Variants in FMNL2 observed in about 807,000 individuals in gnomAD.
FMNL2 encodes the protein formin-like protein 2.
FMNL2 carries 51 observed loss-of-function variants against 130.2 expected under a neutral mutation model. That is an observed-to-expected ratio of 0.39 (90% CI 0.31 to 0.49). The LOEUF (loss-of-function observed/expected upper bound fraction) is 0.49, where lower values mean the gene tolerates loss of function less well. Among genes scored for constraint, FMNL2 ranks in the 20% least tolerant of loss-of-function variants. FMNL2 has a pLI of 0.85. For missense variants in FMNL2, 977 were observed against 1,316.2 expected, an observed-to-expected ratio of 0.74 and a Z score of 3.99; for synonymous variants, 465 against 467.1, an observed-to-expected ratio of 1.00 and a Z score of 0.06.
Position 152,619,045 on chromosome 2 carries a change from G to A in FMNL2, c.1514G>A (p.Gly505Glu), listed in dbSNP as rs372473891. Reference sequence around the variant, plus strand: ...GTGGCTTCTGGCACATTGTCCATGGGGTCAGAAGTGGTAGCAGGTAACTCT... The same window carrying A: ...GTGGCTTCTGGCACATTGTCCATGGAGTCAGAAGTGGTAGCAGGTAACTCT... Reference protein sequence around the residue: ...PVVASGTLSMGSEVVAGNSVG... With the variant: ...PVVASGTLSMESEVVAGNSVG... The change falls in exon 14 of 26, where the codon GGG becomes GAG. Residue 505 changes from glycine (G) to glutamate (E), a missense_variant. Gly to Glu is a moderately conservative substitution (Grantham distance 98, BLOSUM62 -2). Around this residue, in one of 4 missense-constraint regions of FMNL2, gnomAD observed 689 missense variants for 995.9 expected, o/e 0.69. Coordinates refer to ENST00000288670, the MANE Select transcript of FMNL2 (RefSeq NM_052905.4). 2.1e-5 allele frequency: 34 copies of A among 1,613,864 alleles called. No individual in the cohort carries two copies. The highest frequency in any genetic ancestry group is 1.4e-4 in the South Asian group (13 of 91,092).
At position 152,399,829 on chromosome 2, in the gene FMNL2, T is replaced by G. The variant is rs183263587; in HGVS notation, c.117+64109T>G. Among the ~76,000 whole-genome samples, 524 of 152,208 alleles carry G rather than the reference T, an allele frequency of 3.4e-3. 4 individuals are homozygous for G. The highest frequency in any genetic ancestry group is 3.5e-3 in the Non-Finnish European group (239 of 68,014). ...TAGTGTTTCTATATGTATTAGATATTTGGGTGAGTTCTATGTGGCAGGTGG... is the reference window on the plus strand; with the variant it reads ...TAGTGTTTCTATATGTATTAGATATGTGGGTGAGTTCTATGTGGCAGGTGG... On this transcript the variant is annotated intron_variant, in intron 1 of 25. Coordinates refer to ENST00000288670, the MANE Select transcript of FMNL2 (RefSeq NM_052905.4).
At chr2:152,375,869 C>CTATATATATATATATA (rs1376054574) in intron 1 of FMNL2, among the ~76,000 whole-genome samples, 13 of 113,264 alleles carry the variant, frequency 1.1e-4, no homozygotes, top group Admixed American at 2.9e-4. Context: ...CTCTCTCTCT[C>CTATATATATATATATA]TCTCTCTCTA....
intron 2 of FMNL2, among the ~76,000 whole-genome samples, chr2:152,541,669 T>C (rs1694316866): frequency 6.6e-6 from 1 of 152,134 alleles, no homozygotes; most frequent in Non-Finnish European, 1.5e-5. Flanking sequence ...TAAAACCATA[T>C]ATCTATATGT....
intron 11 of FMNL2, 121 bp from the exon 12 acceptor site, chr2:152,614,730 G>A (rs1384521430): frequency 2.1e-5 from 17 of 804,538 alleles, no homozygotes; most frequent in Non-Finnish European, 2.6e-5. Context: ...GTGACAGAGT[G>A]AAACTCCATC....
intron 7 of FMNL2, among the ~76,000 whole-genome samples, chr2:152,577,211 C>T (rs982548558): frequency 6.6e-6 from 1 of 152,000 alleles, no homozygotes; most frequent in African/African-American, 2.4e-5. Flanking sequence ...AAGGCCACAG[C>T]ATTGGATATG....
At chr2:152,426,136 A>G (rs1033417684) in intron 1 of FMNL2, among the ~76,000 whole-genome samples, 3 of 152,196 alleles carry the variant, frequency 2.0e-5, no homozygotes, top group Non-Finnish European at 4.4e-5. Context: ...GATGGGTGAC[A>G]GGGAGAAAGG....
At chr2:152,404,868 T>C (rs183977453) in intron 1 of FMNL2, among the ~76,000 whole-genome samples, 3 of 152,238 alleles carry the variant, frequency 2.0e-5, no homozygotes, top group African/African-American at 7.2e-5. Flanking sequence ...ATGGAGAACA[T>C]TGTGTGTTGA....
intron 1 of FMNL2, among the ~76,000 whole-genome samples, chr2:152,467,063 C>A (rs947765232): frequency 3.3e-5 from 5 of 152,168 alleles, no homozygotes; most frequent in African/African-American, 1.2e-4. Flanking sequence ...ATGAGGCAAG[C>A]CTTAGTGTTC....
At chr2:152,363,477 T>C (rs1367529694) in intron 1 of FMNL2, among the ~76,000 whole-genome samples, 1 of 152,232 alleles carries the variant, frequency 6.6e-6, no homozygotes, top group Admixed American at 6.5e-5. Context: ...TCTCTCTTTC[T>C]CGTTTCTCAG....
chr2:152,628,175 AT>A, intron 17 of FMNL2, 123 bp from the exon 18 acceptor site: 2 of 797,642 alleles, frequency 2.5e-6, no homozygotes, highest in Middle Eastern at 3.2e-4. Flanking sequence ...AGACTCGTTG[AT>A]TTGGTGTTTG....
At chr2:152,467,686 G>A (rs1689629610) in intron 1 of FMNL2, among the ~76,000 whole-genome samples, 2 of 152,210 alleles carry the variant, frequency 1.3e-5, no homozygotes, top group East Asian at 1.9e-4. Flanking sequence ...CATCTTCATA[G>A]TGAGCTCGCT....
At chr2:152,479,162 TGCCCAG>T (rs886396775) in intron 1 of FMNL2, among the ~76,000 whole-genome samples, 13 of 152,196 alleles carry the variant, frequency 8.5e-5, no homozygotes, top group East Asian at 1.9e-4. Flanking sequence ...CTCACTCTGT[TGCCCAG>T]GCTCGAGTTC....
chr2:152,336,242 T>C (rs1244787170), intron 1 of FMNL2, among the ~76,000 whole-genome samples: 2 of 151,944 alleles, frequency 1.3e-5, no homozygotes, highest in East Asian at 3.9e-4. Flanking sequence ...GGAGGCGAAC[T>C]TGGAGGGCTC....
intron 10 of FMNL2, among the ~76,000 whole-genome samples, chr2:152,609,622 G>A (rs996597182): frequency 6.6e-6 from 1 of 152,038 alleles, no homozygotes; most frequent in African/African-American, 2.4e-5. Flanking sequence ...TTTAGTGATA[G>A]AACCCGAGAT....
chr2:152,551,391 T>C (rs1415173566), intron 4 of FMNL2, among the ~76,000 whole-genome samples: 2 of 150,928 alleles, frequency 1.3e-5, no homozygotes, highest in African/African-American at 5.0e-5. Flanking sequence ...CCACCATCTA[T>C]GTGAGGAACT....
At chr2:152,474,034 C>A (rs939002571) in intron 1 of FMNL2, among the ~76,000 whole-genome samples, 1 of 152,122 alleles carries the variant, frequency 6.6e-6, no homozygotes, top group African/African-American at 2.4e-5. Flanking sequence ...AACACCACAC[C>A]CAGCTAATTT....
At chr2:152,645,643 C>T (rs1328436153) in intron 25 of FMNL2, 7 of 496,334 alleles carry the variant, frequency 1.4e-5, no homozygotes, top group Non-Finnish European at 2.3e-5. Context: ...TTGTACCTCA[C>T]ATTCCAATGA....
chr2:152,454,212 G>A (rs763516551), intron 1 of FMNL2, among the ~76,000 whole-genome samples: 4 of 152,272 alleles, frequency 2.6e-5, no homozygotes, highest in South Asian at 2.1e-4. Context: ...GGGAGGCAGC[G>A]GTTGAAGTGA....
chr2:152,543,330 A>G (rs1337116538), intron 3 of FMNL2, among the ~76,000 whole-genome samples: 3 of 151,628 alleles, frequency 2.0e-5, no homozygotes, highest in African/African-American at 7.3e-5. Flanking sequence ...CATTCTCAAC[A>G]GACTCTCCCC....
Sources: gnomAD v4.1 joint callset for allele counts (sites outside exome capture counted in the v4.1 genomes callset) on GRCh38, gnomAD v4.1.1 for gene constraint, gnomAD v4.1.1 regional missense constraint, MANE v1.5 for transcripts, NCBI Gene and HGNC (gene_info 2026-07-23, HGNC 2026-07-21) for gene names.